Variants in CDH13 observed in about 807,000 individuals in gnomAD.
CDH13 encodes cadherin-13.
CDH13 carries 24 observed loss-of-function variants against 63.8 expected under a neutral mutation model. The observed-to-expected ratio is 0.38, with a 90% confidence interval of 0.27 to 0.53. The LOEUF (loss-of-function observed/expected upper bound fraction) is 0.53. CDH13 is among the 20% of genes least tolerant of loss of function. The pLI is 0.85. For synonymous variants in CDH13, 503 were observed against 355.3 expected (o/e 1.42, Z -4.67); for missense variants, 1,049 against 903.1 (o/e 1.16, Z -2.07).
intron 1 of CDH13, among the ~76,000 whole-genome samples, chr16:82,701,487 AG>A (rs1164202441): frequency 1.3e-5 from 2 of 152,224 alleles, no homozygotes; most frequent in African/African-American, 4.8e-5. Context: ...GGGAAAAGAA[AG>A]GAGGTGTTTA....
intron 10 of CDH13, among the ~76,000 whole-genome samples, chr16:83,734,727 T>TATAATAATACTAATAATAATA (rs1911370311): frequency 7.0e-6 from 1 of 141,850 alleles, no homozygotes; most frequent in Non-Finnish European, 1.5e-5. Context: ...AAACTTAAAG[T>TATAATAATACTAATAATAATA]ATAATAATAA....
At chr16:82,938,877 T>G (rs1193840133) in intron 2 of CDH13, among the ~76,000 whole-genome samples, 1 of 152,060 alleles carries the variant, frequency 6.6e-6, no homozygotes, top group African/African-American at 2.4e-5. Context: ...GGTACTTATT[T>G]CAGTGCTCTT....
chr16:82,919,135 T>C (rs1597213242), intron 2 of CDH13, among the ~76,000 whole-genome samples: 1 of 152,236 alleles, frequency 6.6e-6, no homozygotes, highest in Non-Finnish European at 1.5e-5. Flanking sequence ...TTGGCCTATA[T>C]ATTCCAAATG....
intron 6 of CDH13, among the ~76,000 whole-genome samples, chr16:83,459,606 T>C (rs2073123074): frequency 6.6e-6 from 1 of 152,214 alleles, no homozygotes; most frequent in South Asian, 2.1e-4. Context: ...CATAGGAAAA[T>C]GGCTGACAGA....
chr16:83,692,997 C>G (rs546302993), intron 10 of CDH13, among the ~76,000 whole-genome samples: 1 of 152,296 alleles, frequency 6.6e-6, no homozygotes, highest in Non-Finnish European at 1.5e-5. Context: ...GCAAGAGAAT[C>G]ACTTGAACCT....
chr16:83,222,189 G>A (rs2039719444), intron 5 of CDH13, among the ~76,000 whole-genome samples: 1 of 152,192 alleles, frequency 6.6e-6, no homozygotes, highest in African/African-American at 2.4e-5. Flanking sequence ...CACCTTCTGA[G>A]TATTTGCTCA....
At chr16:83,231,536 A>C (rs967198436) in intron 5 of CDH13, among the ~76,000 whole-genome samples, 1 of 152,194 alleles carries the variant, frequency 6.6e-6, no homozygotes, top group African/African-American at 2.4e-5. Flanking sequence ...ACCTTCAGGA[A>C]GAGCACAGAG....
intron 4 of CDH13, among the ~76,000 whole-genome samples, chr16:83,169,713 C>G (rs2037842381): frequency 6.6e-6 from 1 of 152,118 alleles, no homozygotes; most frequent in African/African-American, 2.4e-5. Flanking sequence ...TGTTTGTTGC[C>G]TTTCTTTTAT....
At chr16:82,743,373 G>A (rs561188364) in intron 1 of CDH13, among the ~76,000 whole-genome samples, 5 of 152,080 alleles carry the variant, frequency 3.3e-5, no homozygotes, top group African/African-American at 7.2e-5. Context: ...GCCTACAGGC[G>A]CAGACCACGG....
At chr16:83,579,579 C>T (rs1043610715) in intron 7 of CDH13, among the ~76,000 whole-genome samples, 4 of 152,080 alleles carry the variant, frequency 2.6e-5, no homozygotes, top group Admixed American at 1.3e-4. Flanking sequence ...GATCCAGTCA[C>T]CTCCCACCAG....
At chr16:83,050,742 T>A (rs1386153861) in intron 3 of CDH13, among the ~76,000 whole-genome samples, 1 of 152,174 alleles carries the variant, frequency 6.6e-6, no homozygotes, top group African/African-American at 2.4e-5. Context: ...GGGTTAACTG[T>A]GTGTTTCTGA....
chr16:83,056,325 A>G (rs1390743741), intron 3 of CDH13, among the ~76,000 whole-genome samples: 1 of 152,218 alleles, frequency 6.6e-6, no homozygotes, highest in East Asian at 1.9e-4. Context: ...ATGTATACAC[A>G]TGTACACTAA....
intron 3 of CDH13, among the ~76,000 whole-genome samples, chr16:83,041,648 A>G (rs1201190022): frequency 6.6e-6 from 1 of 152,174 alleles, no homozygotes; most frequent in African/African-American, 2.4e-5. Context: ...TTCTACACAC[A>G]TACATTCATG....
At chr16:83,740,178 C>T (rs554550447) in intron 10 of CDH13, among the ~76,000 whole-genome samples, 1 of 152,104 alleles carries the variant, frequency 6.6e-6, no homozygotes, top group Non-Finnish European at 1.5e-5. Flanking sequence ...GTAGAAAATG[C>T]AGGTAGAAAG....
intron 5 of CDH13, among the ~76,000 whole-genome samples, chr16:83,315,433 C>T (rs972883907): frequency 1.3e-5 from 2 of 152,168 alleles, no homozygotes; most frequent in Admixed American, 6.5e-5. Context: ...TAAACCTCAC[C>T]TCCAACCCCA....
At chr16:83,718,687 G>A (rs117267500) in intron 10 of CDH13, among the ~76,000 whole-genome samples, 677 of 152,238 alleles carry the variant, frequency 4.4e-3, no homozygotes, top group Non-Finnish European at 6.8e-3. Context: ...CCACCACCAC[G>A]ATGGGTCCAG....
intron 4 of CDH13, among the ~76,000 whole-genome samples, chr16:83,138,414 G>T (rs1378710171): frequency 6.6e-6 from 1 of 152,140 alleles, no homozygotes; most frequent in Non-Finnish European, 1.5e-5. Flanking sequence ...TAATTCCGAA[G>T]AGGACTCCTG....
At chr16:82,722,350 T>C (rs2032825920) in intron 1 of CDH13, among the ~76,000 whole-genome samples, 1 of 152,122 alleles carries the variant, frequency 6.6e-6, no homozygotes, top group Admixed American at 6.5e-5. Context: ...GGCAGGGTCT[T>C]CCCATGTGAT....
chr16:82,824,410 CA>C lies in CDH13; in HGVS notation c.46-33950del, dbSNP rs1001370932. The C allele has an allele frequency of 1.4e-3, 209 of 151,896 alleles. 3 individuals carry two copies. Among genetic ancestry groups the C allele is most frequent in the African/African-American group, 4.7e-3 (193 of 41,448 alleles). The allele number at this position is 151,896 out of a possible 1,614,324, so 9.4% of individuals were successfully genotyped here. A position where few individuals can be genotyped will look rare whatever the true frequency, so the allele number is the denominator to read the frequency against. The stretch of plus-strand genomic sequence containing the variant: ...AGAGTTTCTCTTTCTAGGTAATAAG[CA>C]ACGAAAAAATGGCAGAATTAGAATA... On this transcript the variant is annotated intron_variant, in intron 1 of 13. Coordinates refer to ENST00000567109, the MANE Select transcript of CDH13 (RefSeq NM_001257.5).
Sources: allele counts gnomAD v4.1 joint callset (sites outside exome capture counted in the v4.1 genomes callset), GRCh38; gene constraint gnomAD v4.1.1; transcripts MANE v1.5; gene names NCBI Gene and HGNC (gene_info 2026-07-23, HGNC 2026-07-21).